The following PDE10A variants were observed in gnomAD, a reference collection of about 807,000 sequenced individuals.
The protein encoded by PDE10A is phosphodiesterase 10A, also known as cAMP and cAMP-inhibited cGMP 3',5'-cyclic phosphodiesterase 10A.
A neutral mutation model predicts 97.7 loss-of-function variants in PDE10A; 39 were observed. That is an observed-to-expected ratio of 0.40 (90% CI 0.31 to 0.52). The LOEUF (loss-of-function observed/expected upper bound fraction) is 0.52. Ranked by LOEUF, PDE10A falls within the 20% of genes least tolerant of loss-of-function variation. The pLI is 0.56. For missense variants in PDE10A, 731 were observed against 1,047.8 expected (o/e 0.70, Z 4.17); for synonymous variants, 371 against 376.8 (o/e 0.98, Z 0.18).
chr6:165,539,651 G>C (rs1783304391), intron 2 of PDE10A, among the ~76,000 whole-genome samples: 1 of 152,166 alleles, frequency 6.6e-6, no homozygotes, highest in African/African-American at 2.4e-5. Context: ...GCTGGGAGCA[G>C]TGCCGCATGG....
intron 1 of PDE10A, among the ~76,000 whole-genome samples, chr6:165,654,731 C>G (rs1789849165): frequency 6.6e-6 from 1 of 152,214 alleles, no homozygotes; most frequent in South Asian, 2.1e-4. Flanking sequence ...CCTCACCACA[C>G]TGGCATCAGG....
intron 13 of PDE10A, among the ~76,000 whole-genome samples, chr6:165,408,343 T>C (rs915852043): frequency 6.6e-6 from 1 of 152,200 alleles, no homozygotes; most frequent in African/African-American, 2.4e-5. Context: ...ATGTGATTGT[T>C]TGGGACAACG....
chr6:165,787,552 C>A (rs1230057550), intron 1 of PDE10A, among the ~76,000 whole-genome samples: 3 of 152,194 alleles, frequency 2.0e-5, no homozygotes, highest in African/African-American at 7.2e-5. Context: ...AAGAGACAAG[C>A]ATAGCTGTCT....
chr6:165,630,380 C>T (rs1055508440), intron 1 of PDE10A, among the ~76,000 whole-genome samples: 1 of 152,132 alleles, frequency 6.6e-6, no homozygotes, highest in Non-Finnish European at 1.5e-5. Flanking sequence ...TATATAGAAA[C>T]ACTTATCATC....
At chr6:165,948,346 T>G (rs1783845969) in intron 1 of PDE10A, 1 of 152,158 alleles carries the variant, frequency 6.6e-6, no homozygotes, top group Non-Finnish European at 1.5e-5. Context: ...AAGAGTACAC[T>G]GCCAGGAGAA....
intron 1 of PDE10A, among the ~76,000 whole-genome samples, chr6:165,645,082 C>T (rs1437852318): frequency 2.0e-5 from 3 of 152,208 alleles, no homozygotes; most frequent in South Asian, 2.1e-4. Flanking sequence ...GTGGCCTGTG[C>T]CTAGTGAGGT....
chr6:165,754,061 C>G (rs1793063492), intron 1 of PDE10A: 1 of 152,202 alleles, frequency 6.6e-6, no homozygotes, highest in African/African-American at 2.4e-5. Flanking sequence ...CAATGCAGTA[C>G]TGCTCAAAGA....
intron 1 of PDE10A, among the ~76,000 whole-genome samples, chr6:165,639,722 G>A (rs1233755592): frequency 8.2e-6 from 1 of 121,914 alleles, no homozygotes; most frequent in Non-Finnish European, 1.6e-5. Flanking sequence ...CTAGGCAACA[G>A]AGCAAGACTC....
intron 1 of PDE10A, among the ~76,000 whole-genome samples, chr6:165,857,732 TGTGTGA>T (rs774383781): frequency 0.16 from 19,680 of 126,050 alleles, 1,651 homozygotes; most frequent in Middle Eastern, 0.27. Context: ...TGTGTGTGTG[TGTGTGA>T]AGAATGATTG....
At chr6:165,960,662 A>G (rs1457660974) in intron 1 of PDE10A, among the ~76,000 whole-genome samples, 1 of 152,206 alleles carries the variant, frequency 6.6e-6, no homozygotes, top group Non-Finnish European at 1.5e-5. Context: ...GCAGATCTGT[A>G]CGGCAAGGGA....
intron 1 of PDE10A, among the ~76,000 whole-genome samples, chr6:165,816,228 C>A (rs747070534): frequency 1.3e-5 from 2 of 152,302 alleles, no homozygotes; most frequent in South Asian, 2.1e-4. Context: ...GGATTACAGG[C>A]GTGAGCCACT....
chr6:165,396,994 T>G (rs562232896), intron 13 of PDE10A, among the ~76,000 whole-genome samples: 2 of 152,328 alleles, frequency 1.3e-5, no homozygotes, highest in African/African-American at 4.8e-5. Context: ...TGGGGTGTTA[T>G]TGGTGTTCCA....
intron 2 of PDE10A, among the ~76,000 whole-genome samples, chr6:165,495,975 T>A (rs577260778): frequency 6.6e-6 from 1 of 152,054 alleles, no homozygotes; most frequent in South Asian, 2.1e-4. Context: ...TTGGAAATGC[T>A]TGGTTGGGAG....
At chr6:165,500,961 A>G (rs940037788) in intron 2 of PDE10A, among the ~76,000 whole-genome samples, 18 of 151,966 alleles carry the variant, frequency 1.2e-4, no homozygotes, top group African/African-American at 4.4e-4. Flanking sequence ...TAACTTATTT[A>G]TGACACAGAG....
intron 1 of PDE10A, among the ~76,000 whole-genome samples, chr6:165,629,648 C>A (rs1428991381): frequency 6.6e-6 from 1 of 151,880 alleles, no homozygotes; most frequent in Admixed American, 6.6e-5. Flanking sequence ...ATCTTCCCAC[C>A]CCAGCCTCCC....
At chr6:165,826,801 T>TG (rs1779771654) in intron 1 of PDE10A, among the ~76,000 whole-genome samples, 1 of 25,002 alleles carries the variant, frequency 4.0e-5, no homozygotes, top group Non-Finnish European at 8.8e-5. Flanking sequence ...AGGGGGAGGC[T>TG]GGGGGGCAGG....
intron 5 of PDE10A, among the ~76,000 whole-genome samples, chr6:165,446,999 T>G (rs996663979): frequency 3.3e-5 from 5 of 152,096 alleles, no homozygotes; most frequent in Admixed American, 1.3e-4. Flanking sequence ...ATACATAAAA[T>G]TACAATTTAG....
intron 1 of PDE10A, among the ~76,000 whole-genome samples, chr6:165,797,356 G>A (rs1778857580): frequency 6.6e-6 from 1 of 152,158 alleles, no homozygotes; most frequent in African/African-American, 2.4e-5. Context: ...TTACTTGGAG[G>A]CTAAAAAATG....
chr6:165,442,261 T>C (rs1790527243), intron 5 of PDE10A, among the ~76,000 whole-genome samples: 2 of 152,132 alleles, frequency 1.3e-5, no homozygotes, highest in Non-Finnish European at 2.9e-5. Flanking sequence ...TCATTTAGCA[T>C]TAGGTATATC....
Sources: allele counts gnomAD v4.1 joint callset (sites outside exome capture counted in the v4.1 genomes callset), GRCh38; gene constraint gnomAD v4.1.1; transcripts MANE v1.5; gene names NCBI Gene and HGNC (gene_info 2026-07-23, HGNC 2026-07-21).